MAP4K2: variants seen among roughly 807,000 people sequenced by gnomAD.
The protein encoded by MAP4K2 is mitogen-activated protein kinase kinase kinase kinase 2.
MAP4K2 carries 85 observed loss-of-function variants against 125.3 expected under a neutral mutation model. That is an observed-to-expected ratio of 0.68 (90% CI 0.57 to 0.81). The LOEUF (loss-of-function observed/expected upper bound fraction) is 0.81, where lower values mean the gene tolerates loss of function less well. Among genes scored for constraint, MAP4K2 ranks in the 40% least tolerant of loss-of-function variants. The pLI is 0.00. For synonymous variants in MAP4K2, 479 were observed against 445.1 expected (o/e 1.08, Z -0.96); for missense variants, 923 against 1,056.4 (o/e 0.87, Z 1.75).
intron 1 of MAP4K2, 25 bp from the exon 2 acceptor site, chr11:64,802,967 GA>G (rs1941328316): frequency 1.3e-6 from 2 of 1,554,124 alleles, no homozygotes; most frequent in Non-Finnish European, 8.7e-7. Context: ...GGTGAAGCGG[GA>G]TGGGGGGCGG....
chr11:64,800,926 G>A lies in MAP4K2; in HGVS notation c.636C>T (p.Pro212=), dbSNP rs776288662. ...ITAIELGELQ[P]PLFHLHPMRA... is the part of the protein sequence containing the mutation. ...TCATGGGGTGCAGGTGGAACAGAGGGGGCTGCAGCTCGCCCAGCTCAATGG... is the reference window on the plus strand; with the variant it reads ...TCATGGGGTGCAGGTGGAACAGAGGAGGCTGCAGCTCGCCCAGCTCAATGG... Residue 212 remains proline (P), a synonymous_variant, in exon 9 of 32, where the codon CCC becomes CCT. Transcript: ENST00000294066. 5.0e-6 allele frequency: 8 copies of A among 1,613,904 alleles called. No individual in the cohort carries two copies. Among genetic ancestry groups the A allele is most frequent in the African/African-American group, 1.3e-5 (1 of 74,916 alleles).
At chr11:64,799,265 G>C (rs1385517388) in intron 14 of MAP4K2, among the ~76,000 whole-genome samples, 156 bp downstream of exon 14, 1 of 152,160 alleles carries the variant, frequency 6.6e-6, no homozygotes, top group Non-Finnish European at 1.5e-5. Context: ...TAACCCTCCA[G>C]GTCCCTGGGT....
At chr11:64,795,702 T>C (rs1940756077) in intron 24 of MAP4K2, among the ~76,000 whole-genome samples, 1 of 152,170 alleles carries the variant, frequency 6.6e-6, no homozygotes, top group African/African-American at 2.4e-5. Flanking sequence ...CCGCCCAGAC[T>C]TTTTTGATTT....
At chr11:64,801,491 T>C (rs1408844394) in intron 7 of MAP4K2, 88 bp downstream of exon 7, 3 of 1,462,746 alleles carry the variant, frequency 2.1e-6, no homozygotes, top group Non-Finnish European at 1.9e-6. Flanking sequence ...GCAAAGTGAC[T>C]TGCCCAGTGA....
chr11:64,789,554 G>T lies in MAP4K2; in HGVS notation c.2446C>A (p.His816Asn). ...AHSNLYILTG[H>N]QSTY ...CGCTGCTCTTAGTAGGTGCTCTGGT[G>T]GCCCGTGAGGATGTAGAGGTTGCTG... is the stretch of plus-strand genomic sequence containing the variant. The change falls in exon 32 of 32, where the codon CAC (histidine) becomes AAC (asparagine). Residue 816 changes from histidine (H) to asparagine (N), a missense_variant. His to Asn is a moderately conservative substitution (Grantham distance 68, BLOSUM62 1). Coordinates refer to ENST00000294066, the MANE Select transcript of MAP4K2 (RefSeq NM_004579.5). The T allele has an allele frequency of 6.3e-7, 1 of 1,590,528 alleles. No homozygotes were observed. The highest frequency in any genetic ancestry group is 8.6e-7 in the Non-Finnish European group (1 of 1,168,124).
chr11:64,796,245 C>A (rs369893821), intron 24 of MAP4K2, 28 bp downstream of exon 24: 2 of 1,513,798 alleles, frequency 1.3e-6, no homozygotes, highest in South Asian at 2.7e-5. Context: ...CTCTGCCTCC[C>A]GCTCCCTGCA....
At position 64,786,879 on chromosome 11, in the gene MAP4K2, A is replaced by G. The variant is rs1940212278; in HGVS notation, c.*2658T>C. The G allele has an allele frequency of 6.6e-6, 1 of 151,666 alleles. No homozygotes were observed. Among genetic ancestry groups the G allele is most frequent in the South Asian group, 2.1e-4 (1 of 4,806 alleles). The allele number at this position is 151,666 out of a possible 1,614,324, so 9.4% of individuals were successfully genotyped here. ...TTAACATTTGTTATGGGAAACATAC[A>G]CAATGGAATACCACTAGCTGTAAAA... On this transcript the variant is annotated 3_prime_UTR_variant, in exon 32 of 32. Transcript: ENST00000294066.
At chr11:64,801,951 G>A in intron 5 of MAP4K2, 115 bp downstream of exon 5, 1 of 1,209,860 alleles carries the variant, frequency 8.3e-7, no homozygotes, top group East Asian at 2.5e-5. Context: ...AGGACCTACA[G>A]CCCCTCGGGC....
intron 9 of MAP4K2, 35 bp from the exon 10 acceptor site, chr11:64,800,861 C>T: frequency 6.2e-7 from 1 of 1,613,824 alleles, no homozygotes; most frequent in East Asian, 2.2e-5. Flanking sequence ...CCACAGGCCG[C>T]AGATCAAGGG....
At chr11:64,801,435 G>A (rs1941157932) in intron 7 of MAP4K2, 144 bp downstream of exon 7, 4 of 983,988 alleles carry the variant, frequency 4.1e-6, no homozygotes, top group East Asian at 5.2e-5. Context: ...CCAGCAGGGA[G>A]GGAGTACCGT....
intron 24 of MAP4K2, among the ~76,000 whole-genome samples, chr11:64,793,345 C>G (rs114799525): frequency 6.6e-6 from 1 of 152,214 alleles, no homozygotes; most frequent in African/African-American, 2.4e-5. Flanking sequence ...AAAACAGGCC[C>G]GGGGCAGTGA....
At position 64,800,777 on chromosome 11, in the gene MAP4K2, C is replaced by G. The variant is rs1466665821; in HGVS notation, c.712G>C (p.Asp238His). 6.2e-7 allele frequency: 1 copy of G among 1,607,482 alleles called. No homozygotes were observed. Among genetic ancestry groups the G allele is most frequent in the Non-Finnish European group, 8.5e-7 (1 of 1,177,004 alleles). ...TGTGGCCCTTACCAGCGAGTCTTATCTCTCAGTTTGGGCGGCTGGAAGCTG... is the reference window on the plus strand; with the variant it reads ...TGTGGCCCTTACCAGCGAGTCTTATGTCTCAGTTTGGGCGGCTGGAAGCTG... The part of the protein sequence containing the change: ...KSSFQPPKLR[D>H]KTRWTQNFHH... Residue 238 changes from aspartate to histidine, a missense_variant, in exon 10 of 32, where the codon GAT (aspartate) becomes CAT (histidine). By Grantham distance (81) the Asp-to-His change is moderately conservative. This residue lies in a region of MAP4K2 where 833 missense variants were observed against 911.4 expected (regional missense o/e 0.91). Transcript: ENST00000294066.
chr11:64,802,397 G>A (rs1274681865), intron 4 of MAP4K2, 22 bp downstream of exon 4: 1 of 1,488,008 alleles, frequency 6.7e-7, no homozygotes, highest in Non-Finnish European at 8.9e-7. Context: ...GGGCCTGCTG[G>A]GGCCTGGAGC....
At chr11:64,802,385 T>TGG in intron 4 of MAP4K2, 34 bp downstream of exon 4, 1 of 1,483,218 alleles carries the variant, frequency 6.7e-7, no homozygotes, top group East Asian at 2.5e-5. Context: ...GGGGGAAGGC[T>TGG]GGGGCCTGCT....
Position 64,800,921 on chromosome 11 carries a change from A to G in MAP4K2, c.641T>C (p.Leu214Pro). Residue 214 changes from leucine (L) to proline (P), a missense_variant, in exon 9 of 32, where the codon CTG becomes CCG. This residue lies in a region of MAP4K2 where 833 missense variants were observed against 911.4 expected (regional missense o/e 0.91). Transcript: ENST00000294066. ...AIELGELQPP[L>P]FHLHPMRALM... ...TGACCTCATGGGGTGCAGGTGGAAC[A>G]GAGGGGGCTGCAGCTCGCCCAGCTC... The G allele has an allele frequency of 6.2e-7, 1 of 1,614,034 alleles. No homozygotes were observed. Among genetic ancestry groups the G allele is most frequent in the Non-Finnish European group, 8.5e-7 (1 of 1,180,000 alleles).
At position 64,787,817 on chromosome 11, in the gene MAP4K2, T is replaced by C. The variant is rs960912447; in HGVS notation, c.*1720A>G. 1.3e-5 allele frequency: 2 copies of C among 152,220 alleles called. No homozygotes were observed. Among genetic ancestry groups the C allele is most frequent in the Admixed American group, 6.5e-5 (1 of 15,282 alleles). The allele number at this position is 152,220 out of a possible 1,614,324, so 9.4% of individuals were successfully genotyped here. A position where few individuals can be genotyped will look rare whatever the true frequency, so the allele number is the denominator to read the frequency against. ...AAAGCCAGTCCTCCCCAGGGCGCCT[T>C]TGGTCAGGGCCTTTGCTGAGCAGGA... On this transcript the variant is annotated 3_prime_UTR_variant, in exon 32 of 32. Coordinates refer to ENST00000294066, the MANE Select transcript of MAP4K2 (RefSeq NM_004579.5).
chr11:64,790,095 C>T (rs1391126933), intron 29 of MAP4K2, 93 bp downstream of exon 29: 27 of 1,541,750 alleles, frequency 1.8e-5, no homozygotes, highest in Non-Finnish European at 2.4e-5. Context: ...GCTAGGGGAT[C>T]TGCCTCCTCA....
chr11:64,789,322 G>T lies in MAP4K2; in HGVS notation c.*215C>A, dbSNP rs942028399. On this transcript the variant is annotated 3_prime_UTR_variant, in exon 32 of 32. Transcript: ENST00000294066. The stretch of plus-strand genomic sequence containing the variant: ...ACTGGGCTGCCTCGGGGATGGGGGA[G>T]TGACAGCAGCTCCCCCTGGTCCAGT... 1.7e-6 allele frequency: 1 copy of T among 575,886 alleles called. No individual in the cohort carries two copies. The highest frequency in any genetic ancestry group is 1.9e-5 in the African/African-American group (1 of 53,254). 35.7% of individuals were successfully genotyped at this position (575,886 alleles called of 1,614,324 possible). A position where few individuals can be genotyped will look rare whatever the true frequency, so the allele number is the denominator to read the frequency against.
intron 3 of MAP4K2, 39 bp downstream of exon 3, chr11:64,802,524 T>C: frequency 6.3e-7 from 1 of 1,575,916 alleles, no homozygotes; most frequent in Non-Finnish European, 8.6e-7. Flanking sequence ...GCAGGTCACA[T>C]GGGGGCTGCC....
Sources: allele counts gnomAD v4.1 joint callset (sites outside exome capture counted in the v4.1 genomes callset), GRCh38; gene constraint gnomAD v4.1.1; regional missense constraint gnomAD v4.1.1; transcripts MANE v1.5; gene names NCBI Gene and HGNC (gene_info 2026-07-23, HGNC 2026-07-21).